ABCA13: variants seen among roughly 807,000 people sequenced by gnomAD.
ABCA13 encodes ATP-binding cassette sub-family A member 13.
Under a neutral mutation model 478.7 loss-of-function variants are expected in ABCA13, and 476 were observed. The ratio of observed to expected loss-of-function variants is 0.99; its 90% CI spans 0.92 to 1.07. The LOEUF (loss-of-function observed/expected upper bound fraction) is 1.07, where lower values mean the gene tolerates loss of function less well. Ranked by LOEUF, ABCA13 falls within the 50% of genes least tolerant of loss-of-function variation. ABCA13 has a pLI of 0.00. For missense variants in ABCA13, 6,060 were observed against 5,910.6 expected, an observed-to-expected ratio of 1.03 and a Z score of -0.83; for synonymous variants, 2,252 against 2,158.9, an observed-to-expected ratio of 1.04 and a Z score of -1.20.
chr7:48,633,014 G>A (rs755743743), intron 59 of ABCA13, among the ~76,000 whole-genome samples: 1 of 152,138 alleles, frequency 6.6e-6, no homozygotes, highest in Non-Finnish European at 1.5e-5. Flanking sequence ...CCTTGAAACT[G>A]TCAGTGGATT....
rs191325689 is a variant in ABCA13, at chr7:48,178,499, A to T, written c.69+6947A>T. Among the ~76,000 whole-genome samples, 4 of 151,920 alleles carry T rather than the reference A, an allele frequency of 2.6e-5. No homozygotes were observed. The East Asian group carries it at 7.8e-4, about 30-fold the overall frequency. On this transcript the variant is annotated intron_variant, in intron 1 of 61. Transcript: ENST00000435803. ...AGACCAGCTTGGCCAACATGGTGAA[A>T]CCCCATCTCTACTAAAAATACAAAA...
intron 58 of ABCA13, among the ~76,000 whole-genome samples, chr7:48,612,651 C>T (rs1443429029): frequency 1.3e-5 from 2 of 152,184 alleles, no homozygotes. Flanking sequence ...GTGATATATT[C>T]TCCTACTGTG....
rs752440104 is a variant in ABCA13, at chr7:48,274,263, T to C, written c.4597T>C (p.Ser1533Pro). The change falls in exon 17 of 62, where the codon TCA becomes CCA. Residue 1533 changes from serine to proline, a missense_variant. By Grantham distance (74) the Ser-to-Pro change is moderately conservative. Coordinates refer to ENST00000435803, the MANE Select transcript of ABCA13 (RefSeq NM_152701.5). ...ATTAATTCTAAGACCAATAGAAATGTCAGATGAAATTCCTAATCAGTTTCA... is the reference window on the plus strand; with the variant it reads ...ATTAATTCTAAGACCAATAGAAATGCCAGATGAAATTCCTAATCAGTTTCA... ...TELILRPIEM[S>P]DEIPNQFQNI... 13 of 1,613,090 alleles carry C rather than the reference T, an allele frequency of 8.1e-6. No individual in the cohort carries two copies. The highest frequency in any genetic ancestry group is 1.1e-5 in the Non-Finnish European group (13 of 1,179,572).
intron 10 of ABCA13, among the ~76,000 whole-genome samples, chr7:48,242,345 C>T (rs1467802105): frequency 1.3e-5 from 2 of 152,084 alleles, no homozygotes; most frequent in African/African-American, 2.4e-5. Flanking sequence ...CCACATTCTT[C>T]TGCCCCCATA....
intron 1 of ABCA13, 24 bp from the exon 2 acceptor site, chr7:48,192,933 ATT>A (rs559638720): frequency 1.9e-3 from 2,310 of 1,232,720 alleles, no homozygotes; most frequent in East Asian, 2.1e-3. Flanking sequence ...TATTCAGGTG[ATT>A]TTTTTTTTTT....
intron 58 of ABCA13, among the ~76,000 whole-genome samples, chr7:48,614,034 T>C (rs953412631): frequency 2.0e-5 from 3 of 148,984 alleles, no homozygotes; most frequent in Non-Finnish European, 3.0e-5. Context: ...AATTTACTTA[T>C]GTTTTATGTT....
intron 47 of ABCA13, 53 bp from the exon 48 acceptor site, chr7:48,489,183 C>A: frequency 7.0e-7 from 1 of 1,425,832 alleles, no homozygotes; most frequent in Non-Finnish European, 9.7e-7. Flanking sequence ...AGTTGACAAA[C>A]AGACTTACGA....
chr7:48,362,409 C>CTTTTTTT (rs35795708), intron 31 of ABCA13, among the ~76,000 whole-genome samples: 220 of 85,832 alleles, frequency 2.6e-3, no homozygotes, highest in Middle Eastern at 7.6e-3. Context: ...TCCTCTTCTT[C>CTTTTTTT]TTTTTTTTTT....
At chr7:48,192,602 C>A in intron 1 of ABCA13, among the ~76,000 whole-genome samples, 1 of 152,010 alleles carries the variant, frequency 6.6e-6, no homozygotes, top group Non-Finnish European at 1.5e-5. Context: ...GTAAAAAAGT[C>A]AGAAATGTTA....
rs200813371 is a variant in ABCA13, at chr7:48,563,794, TTGTGTGTGTGTGTGTGTGTGTGTGTGTG to T, written c.14355-16412_14355-16385del. On this transcript the variant is annotated intron_variant, in intron 55 of 61. Transcript: ENST00000435803. ...AGCTTTTGTTGTTTTTGTTTACTGC[TTGTGTGTGTGTGTGTGTGTGTGTGTGTG>T]TGTGTGTGTGTGTGTGTTTTGCATG... is the stretch of plus-strand genomic sequence containing the variant. 6.9e-5 allele frequency among the ~76,000 whole-genome samples: 7 copies of T among 101,662 alleles called. No homozygotes were observed. In the South Asian group the frequency reaches 1.5e-3, roughly 21 times the overall value. The allele number at this position is 101,662 out of a possible 152,430, so 66.7% of individuals were successfully genotyped here. A position where few individuals can be genotyped will look rare whatever the true frequency, so the allele number is the denominator to read the frequency against.
intron 9 of ABCA13, among the ~76,000 whole-genome samples, chr7:48,240,107 CT>C (rs1306078038): frequency 2.0e-5 from 3 of 152,200 alleles, no homozygotes; most frequent in Non-Finnish European, 4.4e-5. Context: ...ACCTCTTTAA[CT>C]TTGTTCTCCG....
chr7:48,174,674 T>A (rs1048902662), intron 1 of ABCA13, among the ~76,000 whole-genome samples: 2 of 152,196 alleles, frequency 1.3e-5, no homozygotes. Context: ...GATAAACATT[T>A]TAAAGTCATC....
At chr7:48,305,461 ACCT>A (rs1800764576) in intron 23 of ABCA13, among the ~76,000 whole-genome samples, 1 of 152,206 alleles carries the variant, frequency 6.6e-6, no homozygotes, top group Non-Finnish European at 1.5e-5. Flanking sequence ...ATTTTTAAAT[ACCT>A]GCGCTCCTTT....
intron 10 of ABCA13, among the ~76,000 whole-genome samples, chr7:48,243,457 A>T (rs2129017481): frequency 6.6e-6 from 1 of 152,278 alleles, no homozygotes; most frequent in East Asian, 1.9e-4. Flanking sequence ...CTCTAGCATG[A>T]GGTGTCAGGA....
At chr7:48,231,244 AAAACAAAC>A (rs746180990) in intron 7 of ABCA13, among the ~76,000 whole-genome samples, 2 of 152,182 alleles carry the variant, frequency 1.3e-5, no homozygotes, top group African/African-American at 2.4e-5. Context: ...TCAATAATAA[AAAACAAAC>A]AAACAAACAA....
intron 55 of ABCA13, among the ~76,000 whole-genome samples, chr7:48,537,324 G>GATCCT (rs1368745141): frequency 1.3e-5 from 2 of 151,664 alleles, no homozygotes; most frequent in Non-Finnish European, 2.9e-5. Flanking sequence ...CTTTTACCTT[G>GATCCT]ATCCTAAAAA....
chr7:48,578,975 CA>C (rs1788447949), intron 55 of ABCA13, among the ~76,000 whole-genome samples: 1 of 152,184 alleles, frequency 6.6e-6, no homozygotes, highest in Non-Finnish European at 1.5e-5. Context: ...ATACCTGTGA[CA>C]AAAATTAACT....
At chr7:48,530,999 C>T (rs1244153298) in intron 55 of ABCA13, among the ~76,000 whole-genome samples, 2 of 152,082 alleles carry the variant, frequency 1.3e-5, no homozygotes, top group African/African-American at 4.8e-5. Flanking sequence ...TTAATTAAGT[C>T]CCATCTGTTT....
chr7:48,310,293 G>T (rs1428425417), intron 24 of ABCA13, among the ~76,000 whole-genome samples, 152 bp downstream of exon 24: 1 of 152,132 alleles, frequency 6.6e-6, no homozygotes, highest in Non-Finnish European at 1.5e-5. Flanking sequence ...TCACCTGTTT[G>T]CTGAATCCAA....
Sources: allele counts gnomAD v4.1 joint callset (sites outside exome capture counted in the v4.1 genomes callset), GRCh38; gene constraint gnomAD v4.1.1; transcripts MANE v1.5; gene names NCBI Gene and HGNC (gene_info 2026-07-23, HGNC 2026-07-21).